Variants in EXPH5 observed in about 807,000 individuals in gnomAD.
EXPH5 encodes exophilin-5.
In EXPH5, 42 loss-of-function variants were observed where a neutral mutation model predicts 41.1. The observed-to-expected ratio is 1.02, with a 90% CI of 0.80 to 1.32. The LOEUF (loss-of-function observed/expected upper bound fraction) is 1.32, where lower values mean the gene tolerates loss of function less well. EXPH5 is among the 40% of genes most tolerant of loss of function. EXPH5 has a pLI of 0.00. For missense variants in EXPH5, 2,298 were observed against 2,314.5 expected (o/e 0.99, Z 0.15); for synonymous variants, 798 against 833.5 (o/e 0.96, Z 0.73).
upstream of EXPH5, chr11:108,593,800 G>A: frequency 6.6e-7 from 1 of 1,506,970 alleles, no homozygotes; most frequent in Non-Finnish European, 8.9e-7. Flanking sequence ...AACCAATCCC[G>A]TTCCAAGGGG....
Position 108,511,670 on chromosome 11 carries a change from T to C in EXPH5, c.3837A>G (p.Ile1279Met). Residue 1279 changes from isoleucine (I) to methionine (M), a missense_variant, in exon 6 of 6, where the codon ATA (isoleucine) becomes ATG (methionine). Ile to Met is a conservative substitution (Grantham distance 10). Transcript: ENST00000265843. Reference sequence around the variant, plus strand: ...TTTCAGTCTCCACTTGAGGTGATTCTATAAGTAAATTAGTATTTTGTGTAT... The same window carrying C: ...TTTCAGTCTCCACTTGAGGTGATTCCATAAGTAAATTAGTATTTTGTGTAT... The part of the protein sequence containing the change: ...QQYTQNTNLL[I>M]ESPQVETETF... The C allele has an allele frequency of 1.2e-6, 2 of 1,603,466 alleles. No homozygotes were observed. Among genetic ancestry groups the C allele is most frequent in the Non-Finnish European group, 8.5e-7 (1 of 1,177,118 alleles).
chr11:108,586,094 A>G (rs934084198), intron 1 of EXPH5, among the ~76,000 whole-genome samples: 2 of 152,046 alleles, frequency 1.3e-5, no homozygotes, highest in African/African-American at 4.8e-5. Context: ...GCGTGCCACC[A>G]CGCCTGGCTA....
At chr11:108,542,708 C>T (rs2093919068) in intron 1 of EXPH5, among the ~76,000 whole-genome samples, 1 of 152,078 alleles carries the variant, frequency 6.6e-6, no homozygotes, top group African/African-American at 2.4e-5. Context: ...TTGAATGTAA[C>T]AATCTTATTA....
chr11:108,570,342 C>T (rs2094054523), intron 1 of EXPH5, among the ~76,000 whole-genome samples: 1 of 152,106 alleles, frequency 6.6e-6, no homozygotes, highest in East Asian at 1.9e-4. Flanking sequence ...GCAACCTCCG[C>T]CTCCTGGGTT....
intron 1 of EXPH5, among the ~76,000 whole-genome samples, chr11:108,570,182 T>C (rs2094053503): frequency 6.6e-6 from 1 of 152,210 alleles, no homozygotes; most frequent in South Asian, 2.1e-4. Context: ...CTGCAGCACC[T>C]CAGAGATGAA....
At chr11:108,569,382 C>G (rs919637693) in intron 1 of EXPH5, among the ~76,000 whole-genome samples, 2 of 152,156 alleles carry the variant, frequency 1.3e-5, no homozygotes, top group African/African-American at 4.8e-5. Flanking sequence ...CTCTGTCACG[C>G]AAGCTGGAGT....
chr11:108,569,708 C>T (rs572252640), intron 1 of EXPH5, among the ~76,000 whole-genome samples: 13 of 152,052 alleles, frequency 8.5e-5, no homozygotes, highest in African/African-American at 2.2e-4. Flanking sequence ...TGTATATCTC[C>T]GGTACCAGGT....
chr11:108,587,171 G>A (rs1464244009), intron 1 of EXPH5, among the ~76,000 whole-genome samples: 1 of 152,168 alleles, frequency 6.6e-6, no homozygotes, highest in African/African-American at 2.4e-5. Flanking sequence ...TGTGCACAAT[G>A]TGCAGGTTAG....
Position 108,541,762 on chromosome 11 carries a change from C to G in EXPH5, c.170G>C (p.Gly57Ala), listed in dbSNP as rs1565810299. The change falls in exon 2 of 6, where the codon GGT (glycine) becomes GCT (alanine). Residue 57 changes from glycine (G) to alanine (A), a missense_variant. Transcript: ENST00000265843. The part of the protein sequence containing the change: ...RDIRWLQGVT[G>A]EWFEEIQRKK... ...TCTTTGAATTTCTTCAAACCATTCA[C>G]CAGTCACTCCCTGAAGCCATCTGAT... 1 of 1,612,694 alleles carries G rather than the reference C, an allele frequency of 6.2e-7. No homozygotes were observed. The highest frequency in any genetic ancestry group is 1.1e-5 in the South Asian group (1 of 90,896).
intron 4 of EXPH5, among the ~76,000 whole-genome samples, chr11:108,524,616 C>A (rs1333934689): frequency 6.6e-6 from 1 of 152,202 alleles, no homozygotes; most frequent in Non-Finnish European, 1.5e-5. Flanking sequence ...ACTAGACAAA[C>A]AAACCTCTGT....
At chr11:108,567,031 A>G (rs1464485120) in intron 1 of EXPH5, among the ~76,000 whole-genome samples, 2 of 152,242 alleles carry the variant, frequency 1.3e-5, no homozygotes, top group African/African-American at 4.8e-5. Flanking sequence ...CCTCTCTTCT[A>G]TTTAACATTT....
intron 4 of EXPH5, among the ~76,000 whole-genome samples, chr11:108,521,288 G>A (rs1222105668): frequency 6.6e-6 from 1 of 152,066 alleles, no homozygotes; most frequent in Non-Finnish European, 1.5e-5. Context: ...CACGGCGCTG[G>A]TTCTCTTAAC....
chr11:108,538,923 A>C (rs2093896248), intron 3 of EXPH5, 101 bp downstream of exon 3: 2 of 1,076,158 alleles, frequency 1.9e-6, no homozygotes, highest in African/African-American at 1.6e-5. Flanking sequence ...ATTGAATTGA[A>C]ATTCTAAGAA....
chr11:108,538,911 CAATTG>C (rs1241610075), intron 3 of EXPH5, 108 bp downstream of exon 3: 4 of 951,356 alleles, frequency 4.2e-6, no homozygotes, highest in Non-Finnish European at 6.2e-6. Flanking sequence ...TTCTTAATAC[CAATTG>C]AATTGAAATT....
upstream of EXPH5, among the ~76,000 whole-genome samples, chr11:108,596,548 C>A (rs2094139112): frequency 2.0e-5 from 3 of 152,162 alleles, no homozygotes; most frequent in African/African-American, 4.8e-5. Flanking sequence ...GAGGTACCTG[C>A]AATTCATCCA....
chr11:108,528,055 T>C, intron 4 of EXPH5, 81 bp downstream of exon 4: 1 of 838,022 alleles, frequency 1.2e-6, no homozygotes. Flanking sequence ...CCGAGGGGAA[T>C]ACTACTGAAA....
In EXPH5 at chr11:108,573,139, G is replaced by GGAAGGAAA. The variant is rs1555198960; in HGVS notation, c.119+20278_119+20279insTTTCCTTC. ...AAAAAGAAAAGAAGGAAGGAAAGAAGGAAAGAAAGAAAGAAAGAAAGAAAG... is the reference window on the plus strand; with the variant it reads ...AAAAAGAAAAGAAGGAAGGAAAGAAGGAAGGAAAGAAAGAAAGAAAGAAAGAAAGAAAG... On this transcript the variant is annotated intron_variant, in intron 1 of 5. Transcript: ENST00000265843. 1.7e-4 allele frequency among the ~76,000 whole-genome samples: 15 copies of GGAAGGAAA among 90,558 alleles called. 1 individual carries two copies. Among genetic ancestry groups the GGAAGGAAA allele is most frequent in the East Asian group, 6.1e-4 (2 of 3,258 alleles). The allele number at this position is 90,558 out of a possible 152,430, so 59.4% of individuals were successfully genotyped here.
chr11:108,593,568 TCC>T lies in EXPH5; in HGVS notation c.-34_-33del, dbSNP rs1565840465. 1 of 1,613,776 alleles carries T rather than the reference TCC, an allele frequency of 6.2e-7. No individual in the cohort carries two copies. Among genetic ancestry groups the T allele is most frequent in the Non-Finnish European group, 8.5e-7 (1 of 1,179,888 alleles). On this transcript the variant is annotated 5_prime_UTR_variant, in exon 1 of 6. Transcript: ENST00000265843. ...TACTGTGTGTGAGTTACACTTAAGC[TCC>T]TTGGCGCCTCCTGTTAGGAAGGCAT...
In EXPH5 at chr11:108,514,766, G is replaced by A. The variant is rs762840402; in HGVS notation, c.741C>T (p.Ser247=). The A allele has an allele frequency of 1.2e-6, 2 of 1,610,470 alleles. No homozygotes were observed. The highest frequency in any genetic ancestry group is 2.2e-5 in the East Asian group (1 of 44,854). ...TGATATTACCATGTCTGTTACCACT[G>A]GAATAAAAGTGACCGAACTGTGTTC... ...GSRTQFGHFY[S]SGNRHGNITE... is the part of the protein sequence containing the mutation. Residue 247 remains serine (S), a synonymous_variant, in exon 6 of 6, where the codon TCC becomes TCT. Transcript: ENST00000265843.
Sources: gnomAD v4.1 joint callset for allele counts (sites outside exome capture counted in the v4.1 genomes callset) on GRCh38, gnomAD v4.1.1 for gene constraint, MANE v1.5 for transcripts, NCBI Gene and HGNC (gene_info 2026-07-23, HGNC 2026-07-21) for gene names.